ADCY8: variants seen among roughly 807,000 people sequenced by gnomAD.
ADCY8 encodes adenylate cyclase type 8.
A neutral mutation model predicts 119.7 loss-of-function variants in ADCY8; 51 were observed. The ratio of observed to expected loss-of-function variants is 0.43; its 90% CI spans 0.34 to 0.54. The LOEUF is 0.54. Among genes scored for constraint, ADCY8 ranks in the 20% least tolerant of loss-of-function variants. ADCY8 has a pLI of 0.03. For synonymous variants in ADCY8, 665 were observed against 651.0 expected (o/e 1.02, Z -0.33); for missense variants, 1,383 against 1,598.8 (o/e 0.87, Z 2.30).
At chr8:130,864,726 G>C (rs1001862484) in intron 9 of ADCY8, among the ~76,000 whole-genome samples, 1 of 151,882 alleles carries the variant, frequency 6.6e-6, no homozygotes, top group African/African-American at 2.4e-5. Flanking sequence ...GATTTTCTTA[G>C]AGTTTCCATC....
At chr8:130,967,119 T>C (rs1199969615) in intron 2 of ADCY8, among the ~76,000 whole-genome samples, 2 of 152,224 alleles carry the variant, frequency 1.3e-5, no homozygotes, top group Non-Finnish European at 2.9e-5. Context: ...TGGGTTTATA[T>C]ATTAAAGGGT....
chr8:130,802,914 T>A (rs1586428249), intron 14 of ADCY8, among the ~76,000 whole-genome samples: 1 of 152,222 alleles, frequency 6.6e-6, no homozygotes, highest in Non-Finnish European at 1.5e-5. Flanking sequence ...TTGGGCCTGA[T>A]AACTTTGAGG....
intron 11 of ADCY8, among the ~76,000 whole-genome samples, chr8:130,847,174 AATG>A (rs1274831200): frequency 6.6e-6 from 1 of 152,058 alleles, no homozygotes; most frequent in Non-Finnish European, 1.5e-5. Context: ...GGGAGAAAGA[AATG>A]AGGAAGGGGT....
rs540740148 is a variant in ADCY8 at position 130,860,916 on chromosome 8, T to C, written c.2210+6930A>G. 2.0e-5 allele frequency among the ~76,000 whole-genome samples: 3 copies of C among 152,220 alleles called. No individual in the cohort carries two copies. In the East Asian group the frequency reaches 5.8e-4, roughly 29 times the overall value. Reference sequence around the variant, plus strand: ...TTTGGTTTTCTGTTCCCGTATTAGTTTGCTGAGAATTGGGCATCCAATTTT... The same window carrying C: ...TTTGGTTTTCTGTTCCCGTATTAGTCTGCTGAGAATTGGGCATCCAATTTT... On this transcript the variant is annotated intron_variant, in intron 9 of 17. Transcript: ENST00000286355.
intron 10 of ADCY8, among the ~76,000 whole-genome samples, chr8:130,849,340 C>G (rs1817437812): frequency 6.6e-6 from 1 of 152,132 alleles, no homozygotes; most frequent in Non-Finnish European, 1.5e-5. Context: ...TGGCTACTGA[C>G]AATATGGAAA....
At position 130,960,176 on chromosome 8, in the gene ADCY8, G is replaced by A. The variant is rs941252039; in HGVS notation, c.1111-8178C>T. Among the ~76,000 whole-genome samples, 26 of 152,326 alleles carry A rather than the reference G, an allele frequency of 1.7e-4. 1 individual carries two copies. Among genetic ancestry groups the A allele is most frequent in the Admixed American group, 1.7e-3 (26 of 15,300 alleles). On this transcript the variant is annotated intron_variant, in intron 2 of 17. Coordinates refer to ENST00000286355, the MANE Select transcript of ADCY8 (RefSeq NM_001115.3). ...ACTTGTAGGAATTGGGACTGTGAAA[G>A]AGGGAAAGAGGGGTATCAAGAGGAC...
In ADCY8 at chr8:130,783,688, C is replaced by T. The variant is rs1294570117; in HGVS notation, c.3268+3G>A. The stretch of plus-strand genomic sequence containing the variant: ...TCAGGCCCCACCTGCAGCTGCTACT[C>T]ACCAATCCGGAGTTCAAAATTGTTG... On this transcript the variant is annotated splice_donor_region_variant and intron_variant, in intron 17 of 17. Transcript: ENST00000286355. 6.2e-7 allele frequency: 1 copy of T among 1,610,120 alleles called. No homozygotes were observed. The highest frequency in any genetic ancestry group is 1.7e-5 in the Admixed American group (1 of 59,800).
chr8:130,946,565 C>T (rs1821111438), intron 3 of ADCY8, among the ~76,000 whole-genome samples: 1 of 152,162 alleles, frequency 6.6e-6, no homozygotes, highest in Admixed American at 6.5e-5. Context: ...AAGCTTCTCG[C>T]CCTGTTGGTG....
intron 4 of ADCY8, among the ~76,000 whole-genome samples, chr8:130,939,406 G>A (rs555855158): frequency 6.6e-6 from 1 of 152,094 alleles, no homozygotes. Context: ...TTGCAGATCC[G>A]AACACTGAGA....
chr8:130,942,708 T>G lies in ADCY8; in HGVS notation c.1353+643A>C, dbSNP rs1158544905. Reference sequence around the variant, plus strand: ...ACAGCAGGAAATTAAGATGTCTATTTGAACCCAAAGCCCACTCTGAAGTAC... The same window carrying G: ...ACAGCAGGAAATTAAGATGTCTATTGGAACCCAAAGCCCACTCTGAAGTAC... On this transcript the variant is annotated intron_variant, in intron 4 of 17. Coordinates refer to ENST00000286355, the MANE Select transcript of ADCY8 (RefSeq NM_001115.3). 2.0e-5 allele frequency among the ~76,000 whole-genome samples: 3 copies of G among 152,336 alleles called. No individual in the cohort carries two copies. The South Asian group carries it at 6.2e-4, about 32-fold the overall frequency.
intron 5 of ADCY8, among the ~76,000 whole-genome samples, chr8:130,926,557 A>G (rs571486854): frequency 3.2e-4 from 49 of 152,322 alleles, no homozygotes; most frequent in Non-Finnish European, 4.4e-4. Flanking sequence ...TAGCTAATTA[A>G]CACATGTATT....
intron 1 of ADCY8, among the ~76,000 whole-genome samples, chr8:131,002,879 A>G (rs1392524513): frequency 2.0e-5 from 3 of 152,132 alleles, no homozygotes; most frequent in South Asian, 2.1e-4. Context: ...GAAAAAGAAC[A>G]GGGATATAAG....
chr8:131,036,766 G>T (rs1824168337), intron 1 of ADCY8, among the ~76,000 whole-genome samples: 1 of 152,132 alleles, frequency 6.6e-6, no homozygotes. Context: ...AAAAGACCCA[G>T]AATTAGGAAG....
intron 13 of ADCY8, among the ~76,000 whole-genome samples, chr8:130,817,809 T>A (rs1158004761): frequency 6.6e-6 from 1 of 152,200 alleles, no homozygotes; most frequent in Non-Finnish European, 1.5e-5. Context: ...GAATTGTACT[T>A]CCAGGTAACA....
At position 131,039,891 on chromosome 8, in the gene ADCY8, C is replaced by A; in HGVS notation, c.443G>T (p.Ser148Ile). ...GGTGGGGAAAATGACCCCTCGGTAG[C>A]TATAGCCCCCATTAAGAAAGAAATC... ...NSDFFLNGGY[S>I]YRGVIFPTLR... The change falls in exon 1 of 18, where the codon AGC (serine) becomes ATC (isoleucine). Residue 148 changes from serine to isoleucine, a missense_variant. Coordinates refer to ENST00000286355, the MANE Select transcript of ADCY8 (RefSeq NM_001115.3). 5 of 1,613,816 alleles carry A rather than the reference C, an allele frequency of 3.1e-6. No homozygotes were observed. The highest frequency in any genetic ancestry group is 1.7e-6 in the Non-Finnish European group (2 of 1,179,828).
intron 7 of ADCY8, chr8:130,891,995 A>G (rs990476051): frequency 6.6e-6 from 1 of 152,084 alleles, no homozygotes; most frequent in Non-Finnish European, 1.5e-5. Context: ...TTGAATATTT[A>G]TGTCACTGTA....
intron 1 of ADCY8, among the ~76,000 whole-genome samples, chr8:131,037,735 A>G (rs1056148379): frequency 2.0e-5 from 3 of 152,206 alleles, no homozygotes; most frequent in African/African-American, 7.2e-5. Flanking sequence ...AAAAATAAAA[A>G]AGAGAATGAG....
intron 5 of ADCY8, among the ~76,000 whole-genome samples, 195 bp downstream of exon 5, chr8:130,936,878 G>A (rs984899003): frequency 6.6e-6 from 1 of 152,158 alleles, no homozygotes; most frequent in Admixed American, 6.5e-5. Context: ...TTAAAAGTGA[G>A]GTAAACTTAG....
At chr8:130,948,420 CAA>C (rs917034009) in intron 3 of ADCY8, among the ~76,000 whole-genome samples, 6 of 152,044 alleles carry the variant, frequency 3.9e-5, no homozygotes, top group Admixed American at 1.3e-4. Flanking sequence ...TTTGAGCGTT[CAA>C]AGAGTCCAGC....
Sources: allele counts gnomAD v4.1 joint callset (sites outside exome capture counted in the v4.1 genomes callset), GRCh38; gene constraint gnomAD v4.1.1; transcripts MANE v1.5; gene names NCBI Gene and HGNC (gene_info 2026-07-23, HGNC 2026-07-21).